The following CCDC66 variants were observed in gnomAD, a reference collection of about 807,000 sequenced individuals.
CCDC66 encodes coiled-coil domain-containing protein 66.
A neutral mutation model predicts 128.3 loss-of-function variants in CCDC66; 133 were observed. The ratio of observed to expected loss-of-function variants is 1.04; its 90% CI spans 0.90 to 1.20. The LOEUF (loss-of-function observed/expected upper bound fraction) is 1.20. Among genes scored for constraint, CCDC66 ranks in the 50% most tolerant of loss-of-function variants. CCDC66 has a pLI of 0.00. For missense variants in CCDC66, 1,126 were observed against 1,075.5 expected, an observed-to-expected ratio of 1.05 and a Z score of -0.66; for synonymous variants, 387 against 357.0, an observed-to-expected ratio of 1.08 and a Z score of -0.95.
At chr3:56,599,984 A>G (rs994452594) in intron 10 of CCDC66, among the ~76,000 whole-genome samples, 1 of 151,960 alleles carries the variant, frequency 6.6e-6, no homozygotes, top group Non-Finnish European at 1.5e-5. Context: ...TTCCAGCTTC[A>G]TCCATGTCCC....
chr3:56,591,766 C>T (rs1446727602), intron 7 of CCDC66, among the ~76,000 whole-genome samples: 1 of 152,108 alleles, frequency 6.6e-6, no homozygotes, highest in Non-Finnish European at 1.5e-5. Context: ...AGGATCTTTA[C>T]TTTTTGTATA....
chr3:56,579,509 C>T (rs1350873609), intron 7 of CCDC66, among the ~76,000 whole-genome samples: 1 of 151,536 alleles, frequency 6.6e-6, no homozygotes, highest in Non-Finnish European at 1.5e-5. Flanking sequence ...ATTAGGGTGT[C>T]AATTTTAGAT....
chr3:56,572,279 A>G, intron 7 of CCDC66: 1 of 990,264 alleles, frequency 1.0e-6, no homozygotes, highest in Non-Finnish European at 1.4e-6. Flanking sequence ...ATCTGTGGTT[A>G]ATTTTGGGTA....
chr3:56,619,135 A>G, intron 15 of CCDC66, 136 bp from the exon 16 acceptor site: 1 of 660,734 alleles, frequency 1.5e-6, no homozygotes, highest in Middle Eastern at 4.3e-4. Flanking sequence ...GGAGAGTTGC[A>G]GTGAGCTGAG....
rs1382527024 is a variant in CCDC66 at position 56,599,270 on chromosome 3, T to G, written c.1404+5242T>G. ...TGTGGTATCAGTTGTAATTTCTCCTTTTTTATTCCTGATTTTATTTGGGTC... is the reference window on the plus strand; with the variant it reads ...TGTGGTATCAGTTGTAATTTCTCCTGTTTTATTCCTGATTTTATTTGGGTC... On this transcript the variant is annotated intron_variant, in intron 10 of 17. Coordinates refer to ENST00000394672, the MANE Select transcript of CCDC66 (RefSeq NM_001141947.3). Among the ~76,000 whole-genome samples the G allele has an allele frequency of 3.3e-5, 5 of 152,184 alleles. No individual in the cohort carries two copies. The East Asian group carries it at 9.6e-4, about 29-fold the overall frequency.
chr3:56,559,865 T>C (rs11130526), intron 3 of CCDC66, among the ~76,000 whole-genome samples: 129,268 of 152,144 alleles, frequency 0.85, 55,280 homozygotes, highest in Non-Finnish European at 0.91. Flanking sequence ...TCAGTATTAT[T>C]GAATATGGAA....
At position 56,567,006 on chromosome 3, in the gene CCDC66, A is replaced by G; in HGVS notation, c.767A>G (p.Asp256Gly). The G allele has an allele frequency of 6.2e-7, 1 of 1,614,180 alleles. No individual in the cohort carries two copies. Among genetic ancestry groups the G allele is most frequent in the Non-Finnish European group, 8.5e-7 (1 of 1,180,026 alleles). ...AGTACTCTGGGGGAAAGGGAATGTG[A>G]TAGAAGTTCGTTGGAAGCAAAAAAA... is the stretch of plus-strand genomic sequence containing the variant. The part of the protein sequence containing the change: ...IFSTLGEREC[D>G]RSSLEAKKAQ... The change falls in exon 6 of 18, where the codon GAT becomes GGT. Residue 256 changes from aspartate (D) to glycine (G), a missense_variant. Asp to Gly is a moderately conservative substitution (Grantham distance 94). Transcript: ENST00000394672.
chr3:56,615,440 C>T (rs899422646), intron 12 of CCDC66, 168 bp downstream of exon 12: 26 of 645,166 alleles, frequency 4.0e-5, no homozygotes, highest in Admixed American at 2.8e-4. Flanking sequence ...CATGGAATCT[C>T]GCTTTGTTGC....
rs1316056432 is a variant in CCDC66 at position 56,619,302 on chromosome 3, A to C, written c.2410A>C (p.Asn804His). 1.9e-6 allele frequency: 3 copies of C among 1,611,562 alleles called. No individual in the cohort carries two copies. The highest frequency in any genetic ancestry group is 2.5e-6 in the Non-Finnish European group (3 of 1,178,942). ...ATCATCACCAGTTCCAGTAGTGAAA[A>C]ACAGAACCCAACAAACTCAAAATAC... Reference protein sequence around the residue: ...SPSSPVPVVKNRTQQTQNTLH... With the variant: ...SPSSPVPVVKHRTQQTQNTLH... The change falls in exon 16 of 18, where the codon AAC becomes CAC. Residue 804 changes from asparagine to histidine, a missense_variant. By Grantham distance (68) the Asn-to-His change is moderately conservative. Coordinates refer to ENST00000394672, the MANE Select transcript of CCDC66 (RefSeq NM_001141947.3).
At position 56,558,831 on chromosome 3, in the gene CCDC66, CTTTT is replaced by C; in HGVS notation, c.12-11_12-8del. Reference sequence around the variant, plus strand: ...TTTGTTAAAAATGAGAGACAACTTTCTTTTTTTATTACAGAGATGGTTTAAAGCT... The same window carrying C: ...TTTGTTAAAAATGAGAGACAACTTTCTTTATTACAGAGATGGTTTAAAGCT... On this transcript the variant is annotated splice_polypyrimidine_tract_variant and intron_variant, in intron 1 of 17. Coordinates refer to ENST00000394672, the MANE Select transcript of CCDC66 (RefSeq NM_001141947.3). 1 of 1,534,724 alleles carries C rather than the reference CTTTT, an allele frequency of 6.5e-7. No individual in the cohort carries two copies. The highest frequency in any genetic ancestry group is 8.8e-7 in the Non-Finnish European group (1 of 1,133,484).
At chr3:56,582,306 G>A (rs1386353114) in intron 7 of CCDC66, among the ~76,000 whole-genome samples, 9 of 151,850 alleles carry the variant, frequency 5.9e-5, no homozygotes, top group South Asian at 2.1e-4. Context: ...TCCAGGTACC[G>A]TCTGTCACGG....
Position 56,566,938 on chromosome 3 carries a change from G to A in CCDC66, c.711-12G>A. 1 of 1,602,532 alleles carries A rather than the reference G, an allele frequency of 6.2e-7. No homozygotes were observed. The highest frequency in any genetic ancestry group is 8.5e-7 in the Non-Finnish European group (1 of 1,171,252). On this transcript the variant is annotated splice_polypyrimidine_tract_variant and intron_variant, in intron 5 of 17. Coordinates refer to ENST00000394672, the MANE Select transcript of CCDC66 (RefSeq NM_001141947.3). Reference sequence around the variant, plus strand: ...TGATACAGTTTCTGTTATCTTTTGTGTTTTACCTTAGAGAGAATGAATGGA... The same window carrying A: ...TGATACAGTTTCTGTTATCTTTTGTATTTTACCTTAGAGAGAATGAATGGA...
intron 2 of CCDC66, 118 bp downstream of exon 2, chr3:56,559,028 A>C: frequency 2.7e-6 from 2 of 749,410 alleles, no homozygotes; most frequent in Non-Finnish European, 4.2e-6. Flanking sequence ...TTTTAGAAAA[A>C]GCTGTTTCCT....
At position 56,557,254 on chromosome 3, in the gene CCDC66, G is replaced by A. The variant is rs948189093; in HGVS notation, c.11+1G>A. 2 of 1,548,924 alleles carry A rather than the reference G, an allele frequency of 1.3e-6. No homozygotes were observed. The highest frequency in any genetic ancestry group is 2.4e-5 in the South Asian group (2 of 83,974). On this transcript the variant is annotated splice_donor_variant, in intron 1 of 17. Coordinates refer to ENST00000394672, the MANE Select transcript of CCDC66 (RefSeq NM_001141947.3). LOFTEE classifies it high-confidence loss of function. ...TGCGAGGTCAGGCCATGAACTTGGGGTAAGCAGGGGTAAGCTGGGGTAAGC... is the reference window on the plus strand; with the variant it reads ...TGCGAGGTCAGGCCATGAACTTGGGATAAGCAGGGGTAAGCTGGGGTAAGC...
At chr3:56,560,431 T>C (rs1479049297) in intron 3 of CCDC66, among the ~76,000 whole-genome samples, 6 of 152,152 alleles carry the variant, frequency 3.9e-5, no homozygotes, top group Non-Finnish European at 8.8e-5. Context: ...GGAATTACCA[T>C]TTAAAAAATT....
chr3:56,611,603 C>T (rs545837403), intron 10 of CCDC66, among the ~76,000 whole-genome samples: 2 of 134,532 alleles, frequency 1.5e-5, no homozygotes, highest in Non-Finnish European at 3.1e-5. Context: ...GGAAGCTTCT[C>T]GTCCTGTTCA....
chr3:56,612,411 C>T (rs1476783193), intron 10 of CCDC66, among the ~76,000 whole-genome samples: 1 of 152,164 alleles, frequency 6.6e-6, no homozygotes, highest in Non-Finnish European at 1.5e-5. Context: ...AGGATGCTAG[C>T]AGTAGGCTGA....
At position 56,619,869 on chromosome 3, in the gene CCDC66, G is replaced by T; in HGVS notation, c.2728G>T (p.Ala910Ser). 1 of 1,614,040 alleles carries T rather than the reference G, an allele frequency of 6.2e-7. No homozygotes were observed. Among genetic ancestry groups the T allele is most frequent in the Non-Finnish European group, 8.5e-7 (1 of 1,179,932 alleles). The stretch of plus-strand genomic sequence containing the variant: ...GGTGAAAAATAGGGATCGACAGCAA[G>T]CAATCCTTAAGGGACTTTCAGAACT... ...NMVKNRDRQQ[A>S]ILKGLSELRQ... The change falls in exon 17 of 18, where the codon GCA becomes TCA. Residue 910 changes from alanine to serine, a missense_variant. Coordinates refer to ENST00000394672, the MANE Select transcript of CCDC66 (RefSeq NM_001141947.3).
At chr3:56,613,537 C>G in intron 10 of CCDC66, 52 bp from the exon 11 acceptor site, 1 of 1,579,408 alleles carries the variant, frequency 6.3e-7, no homozygotes, top group Non-Finnish European at 8.6e-7. Context: ...TGAATTCCCT[C>G]CTGCTTAGAT....
Sources: allele counts gnomAD v4.1 joint callset (sites outside exome capture counted in the v4.1 genomes callset), GRCh38; gene constraint gnomAD v4.1.1; transcripts MANE v1.5; gene names NCBI Gene and HGNC (gene_info 2026-07-23, HGNC 2026-07-21).